TJAP1: variants seen among roughly 807,000 people sequenced by gnomAD.
TJAP1 encodes tight junction-associated protein 1.
TJAP1 carries 27 observed loss-of-function variants against 42.0 expected under a neutral mutation model. The ratio of observed to expected loss-of-function variants is 0.64; its 90% CI spans 0.47 to 0.89. The LOEUF is 0.89. TJAP1 is among the 40% of genes least tolerant of loss of function. The pLI, the probability that TJAP1 is intolerant of heterozygous loss-of-function variation, is 0.00. For synonymous variants in TJAP1, 257 were observed against 288.4 expected (o/e 0.89, Z 1.10); for missense variants, 712 against 726.9 (o/e 0.98, Z 0.24).
chr6:43,496,171 G>A (rs1438185298), intron 2 of TJAP1, among the ~76,000 whole-genome samples: 1 of 152,102 alleles, frequency 6.6e-6, no homozygotes, highest in Non-Finnish European at 1.5e-5. Flanking sequence ...CCTTTACTTT[G>A]TAGAAGCTCT....
In TJAP1 at chr6:43,505,048, G is replaced by A; in HGVS notation, c.867G>A (p.Gly289=). The A allele has an allele frequency of 2.5e-6, 4 of 1,614,034 alleles. No homozygotes were observed. The highest frequency in any genetic ancestry group is 3.4e-6 in the Non-Finnish European group (4 of 1,179,998). ...GCAGCCCCACCCCACAACCCAATGG[G>A]GAGTGCCACTCTCTGGGTACTGCCA... Residue 289 remains glycine, a synonymous_variant, in exon 11 of 11, where the codon GGG becomes GGA. Coordinates refer to ENST00000372449, the Ensembl canonical transcript of TJAP1. This position sits in a 1 kb window ranked among gnomAD's most constrained non-coding sequence, Gnocchi z 5.5.
At chr6:43,489,006 CT>C (rs905841897) in intron 2 of TJAP1, among the ~76,000 whole-genome samples, 2 of 152,166 alleles carry the variant, frequency 1.3e-5, no homozygotes, top group Admixed American at 6.5e-5. Context: ...GCCTGCAGGG[CT>C]TCCTAGAACA....
chr6:43,481,153 A>C (rs1419837442), intron 2 of TJAP1, among the ~76,000 whole-genome samples: 1 of 152,166 alleles, frequency 6.6e-6, no homozygotes, highest in Non-Finnish European at 1.5e-5. Flanking sequence ...TTAGGGGCTG[A>C]GTTTTTCATC....
chr6:43,502,772 TC>T, intron 8 of TJAP1, 155 bp downstream of exon 8: 4 of 859,844 alleles, frequency 4.7e-6, no homozygotes, highest in Non-Finnish European at 7.6e-6. Flanking sequence ...AATGCCTCCC[TC>T]CCAGGAGAGA....
At position 43,505,945 on chromosome 6, in the gene TJAP1, GACCTCTCCTCT is replaced by G; in HGVS notation, c.*92_*102del. On this transcript the variant is annotated 3_prime_UTR_variant, in exon 11 of 11. Coordinates refer to ENST00000372449, the Ensembl canonical transcript of TJAP1. This position sits in a 1 kb window ranked among gnomAD's most constrained non-coding sequence, Gnocchi z 5.5. The stretch of plus-strand genomic sequence containing the variant: ...CTCAGGGTCCCCAGTCCAAGCCCTT[GACCTCTCCTCT>G]ATCCAGACCCGCACAGCTGTTTCCT... 7.3e-7 allele frequency: 1 copy of G among 1,361,978 alleles called. No individual in the cohort carries two copies. The allele number at this position is 1,361,978 out of a possible 1,614,324, so 84.4% of individuals were successfully genotyped here.
intron 10 of TJAP1, 113 bp downstream of exon 10, chr6:43,503,819 CTCT>C: frequency 1.1e-6 from 1 of 924,764 alleles, no homozygotes; most frequent in East Asian, 2.6e-5. Context: ...CTTTGCCCTC[CTCT>C]TGCCTCCATG....
intron 2 of TJAP1, among the ~76,000 whole-genome samples, chr6:43,482,996 C>T (rs1423603370): frequency 2.6e-5 from 4 of 152,110 alleles, no homozygotes; most frequent in African/African-American, 4.8e-5. Context: ...GTGGTGCGTA[C>T]CTGCAATCCC....
At chr6:43,479,079 T>G (rs1784787346) in intron 2 of TJAP1, among the ~76,000 whole-genome samples, 1 of 152,134 alleles carries the variant, frequency 6.6e-6, no homozygotes, top group African/African-American at 2.4e-5. Flanking sequence ...GGTAGTGGAT[T>G]TGGTGTTGGA....
At chr6:43,503,036 T>A in intron 8 of TJAP1, 1 of 444,162 alleles carries the variant, frequency 2.3e-6, no homozygotes, top group Non-Finnish European at 4.1e-6. Flanking sequence ...AGCCTGATGC[T>A]GGAAACAGCT....
At chr6:43,504,767 T>G in exon 11 of TJAP1, 1 of 1,610,190 alleles carries the variant, frequency 6.2e-7, no homozygotes, top group East Asian at 2.2e-5. Flanking sequence ...TCAGCTGCCC[T>G]GTGAGCTACA....
At chr6:43,504,034 C>T (rs1356978996) in intron 10 of TJAP1, 2 of 518,370 alleles carry the variant, frequency 3.9e-6, no homozygotes, top group East Asian at 8.7e-5. Flanking sequence ...ATCATGTTAC[C>T]CCAAGGGGTA....
At chr6:43,494,864 T>G (rs889003838) in intron 2 of TJAP1, among the ~76,000 whole-genome samples, 1 of 152,148 alleles carries the variant, frequency 6.6e-6, no homozygotes, top group Non-Finnish European at 1.5e-5. Flanking sequence ...TGAGCCACCA[T>G]GTTGGGCCAG....
chr6:43,488,824 C>G (rs2127523460), intron 2 of TJAP1, among the ~76,000 whole-genome samples: 1 of 152,166 alleles, frequency 6.6e-6, no homozygotes, highest in Admixed American at 6.5e-5. Context: ...AGGCCTTGGC[C>G]TATTTGAGCT....
chr6:43,479,669 A>G (rs1784906251), intron 2 of TJAP1, among the ~76,000 whole-genome samples: 1 of 151,606 alleles, frequency 6.6e-6, no homozygotes, highest in African/African-American at 2.4e-5. Context: ...GCAGTCTCCA[A>G]GAAACAACAA....
At chr6:43,481,562 A>G (rs911156074) in intron 2 of TJAP1, among the ~76,000 whole-genome samples, 1 of 151,650 alleles carries the variant, frequency 6.6e-6, no homozygotes, top group East Asian at 1.9e-4. Context: ...AAATAATAAA[A>G]ATAGGAAGTA....
intron 2 of TJAP1, among the ~76,000 whole-genome samples, chr6:43,488,294 G>A (rs545891458): frequency 1.3e-5 from 2 of 152,332 alleles, no homozygotes; most frequent in Admixed American, 6.5e-5. Flanking sequence ...TGTTGGAGCC[G>A]CTGAGGAGCC....
In TJAP1 at chr6:43,492,259, A is replaced by G. The variant is rs1787977037; in HGVS notation, c.-121-5622A>G. On this transcript the variant is annotated intron_variant, in intron 2 of 10. Transcript: ENST00000372449. This position sits in a 1 kb window ranked among gnomAD's most constrained non-coding sequence, Gnocchi z 4.2. ...TAATTCCCACTCTTTTTGGCTTTCA[A>G]AACCCTGTCAATCTGTTTGGTTTAG... is the stretch of plus-strand genomic sequence containing the variant. Among the ~76,000 whole-genome samples the G allele has an allele frequency of 6.6e-6, 1 of 152,158 alleles. No individual in the cohort carries two copies. Among genetic ancestry groups the G allele is most frequent in the African/African-American group, 2.4e-5 (1 of 41,438 alleles).
chr6:43,477,904 G>A (rs1784544921), intron 1 of TJAP1, among the ~76,000 whole-genome samples, 183 bp from the exon 2 acceptor site: 1 of 152,160 alleles, frequency 6.6e-6, no homozygotes. Flanking sequence ...CAAGTTGGAG[G>A]AAAATTTCTT....
exon 11 of TJAP1, chr6:43,504,881 C>G: frequency 6.2e-7 from 1 of 1,614,198 alleles, no homozygotes; most frequent in Non-Finnish European, 8.5e-7. Flanking sequence ...AGTCATTGCC[C>G]GAGTGTTAGA....
Sources: gnomAD v4.1 joint callset for allele counts (sites outside exome capture counted in the v4.1 genomes callset) on GRCh38, gnomAD v4.1.1 for gene constraint, Gnocchi (gnomAD v3.1) non-coding constraint, MANE v1.5 for transcripts, NCBI Gene and HGNC (gene_info 2026-07-23, HGNC 2026-07-21) for gene names.